Variants in IFT56 observed in about 807,000 individuals in gnomAD.
The protein encoded by IFT56 is intraflagellar transport 56.
chr7:139,165,080 A>G, the IFT56 span: 3 of 1,438,400 alleles, frequency 2.1e-6, no homozygotes, highest in Admixed American at 5.9e-5. Flanking sequence ...CATTGTCACC[A>G]ATAAATATAT....
chr7:139,163,734 G>A, the IFT56 span, among the ~76,000 whole-genome samples: 2 of 152,108 alleles, frequency 1.3e-5, no homozygotes, highest in Non-Finnish European at 2.9e-5. Flanking sequence ...GAAGATTGAA[G>A]GTACAATAAT....
At chr7:139,189,592 C>G in the IFT56 span, 78 of 576,722 alleles carry the variant, frequency 1.4e-4, 2 homozygotes, top group Middle Eastern at 1.1e-3. Flanking sequence ...GAGACTTAGT[C>G]TCCTGGCTGA....
chr7:139,170,152 T>C, the IFT56 span, among the ~76,000 whole-genome samples: 1 of 152,010 alleles, frequency 6.6e-6, no homozygotes, highest in African/African-American at 2.4e-5. Context: ...CCAACCAAGA[T>C]TGAACCATGA....
At chr7:139,135,777 C>G in the IFT56 span, among the ~76,000 whole-genome samples, 1 of 152,276 alleles carries the variant, frequency 6.6e-6, no homozygotes, top group Non-Finnish European at 1.5e-5. Context: ...AGAGTTCTGA[C>G]AGCATGGTCT....
chr7:139,179,638 G>A, the IFT56 span: 16 of 1,611,608 alleles, frequency 9.9e-6, no homozygotes, highest in Admixed American at 1.7e-5. Flanking sequence ...TGGTTAGCTC[G>A]GTGCTGTGAG....
chr7:139,146,890 G>C, the IFT56 span: 2 of 864,138 alleles, frequency 2.3e-6, no homozygotes, highest in East Asian at 3.5e-5. Flanking sequence ...AAAGATAAGG[G>C]GAAGGGTCAA....
the IFT56 span, chr7:139,168,382 C>A: frequency 6.2e-7 from 1 of 1,610,744 alleles, no homozygotes; most frequent in Non-Finnish European, 8.5e-7. Context: ...CAGCCCTTGG[C>A]CAGGAAATGG....
the IFT56 span, among the ~76,000 whole-genome samples, chr7:139,144,371 A>G: frequency 2.6e-5 from 4 of 152,024 alleles, no homozygotes; most frequent in Admixed American, 1.3e-4. Context: ...TGTTGCTCCT[A>G]TGAAGATTTT....
the IFT56 span, chr7:139,179,468 C>A: frequency 1.2e-6 from 1 of 808,056 alleles, no homozygotes; most frequent in Non-Finnish European, 2.1e-6. Context: ...TAGAATTGGG[C>A]TGTCTATAAT....
chr7:139,169,964 T>G, the IFT56 span, among the ~76,000 whole-genome samples: 37 of 152,278 alleles, frequency 2.4e-4, no homozygotes, highest in African/African-American at 7.9e-4. Flanking sequence ...CAGTGAGCCA[T>G]GATTACACCA....
the IFT56 span, among the ~76,000 whole-genome samples, chr7:139,187,095 C>T: frequency 4.6e-5 from 5 of 109,878 alleles, no homozygotes; most frequent in East Asian, 2.6e-4. Context: ...AGCGAGACTC[C>T]GTCTCAAAAA....
At chr7:139,136,819 C>A in the IFT56 span, among the ~76,000 whole-genome samples, 3 of 152,098 alleles carry the variant, frequency 2.0e-5, no homozygotes, top group Non-Finnish European at 4.4e-5. Flanking sequence ...AGTTGGAGTA[C>A]CCTGCTGCAT....
At chr7:139,139,779 C>T in the IFT56 span, 4 of 654,436 alleles carry the variant, frequency 6.1e-6, no homozygotes, top group Non-Finnish European at 1.1e-5. Context: ...TGTAGGATTC[C>T]CTAAATGTGA....
the IFT56 span, among the ~76,000 whole-genome samples, chr7:139,164,679 T>C: frequency 6.6e-6 from 1 of 152,206 alleles, no homozygotes; most frequent in African/African-American, 2.4e-5. Flanking sequence ...CTAGTCGCAG[T>C]TCTCGGGGCT....
At chr7:139,174,116 G>A in the IFT56 span, 26 of 595,406 alleles carry the variant, frequency 4.4e-5, no homozygotes, top group Non-Finnish European at 7.9e-5. Flanking sequence ...CTTGCCAATT[G>A]ATGCTGTAAT....
the IFT56 span, among the ~76,000 whole-genome samples, chr7:139,140,881 T>C: frequency 1.3e-5 from 2 of 151,842 alleles, no homozygotes; most frequent in African/African-American, 4.8e-5. Context: ...AAGAATGTAT[T>C]TGAGGTAAAA....
chr7:139,134,324 T>G, the IFT56 span, among the ~76,000 whole-genome samples: 1 of 151,020 alleles, frequency 6.6e-6, no homozygotes, highest in African/African-American at 2.4e-5. Flanking sequence ...CAGGTTGGAG[T>G]GCAGTGGCGC....
the IFT56 span, among the ~76,000 whole-genome samples, chr7:139,145,481 A>G: frequency 6.6e-6 from 1 of 151,844 alleles, no homozygotes; most frequent in African/African-American, 2.4e-5. Flanking sequence ...CTGGAGTGCA[A>G]TGGCGCCATC....
chr7:139,191,506 T>C, the IFT56 span: 2 of 152,244 alleles, frequency 1.3e-5, no homozygotes, highest in Non-Finnish European at 2.9e-5. Flanking sequence ...AGCTTTTCCA[T>C]TGATGGAGAC....
Sources: allele counts gnomAD v4.1 joint callset (sites outside exome capture counted in the v4.1 genomes callset), GRCh38; gene constraint gnomAD v4.1.1; transcripts MANE v1.5; gene names NCBI Gene and HGNC (gene_info 2026-07-23, HGNC 2026-07-21).